Variants in XKR9 observed in about 807,000 individuals in gnomAD.
XKR9 encodes the protein XK-related protein 9.
Under a neutral mutation model 32.0 loss-of-function variants are expected in XKR9, and 32 were observed. The observed-to-expected ratio is 1.00, with a 90% CI of 0.76 to 1.34. XKR9 has a LOEUF of 1.34. Ranked by LOEUF, XKR9 falls within the 40% of genes most tolerant of loss-of-function variation. The pLI, the probability that XKR9 is intolerant of heterozygous loss-of-function variation, is 0.00. For missense variants in XKR9, 546 were observed against 429.7 expected, an observed-to-expected ratio of 1.27 and a Z score of -2.39; for synonymous variants, 168 against 143.4, an observed-to-expected ratio of 1.17 and a Z score of -1.22.
chr8:70,974,596 T>C, the XKR9 span, among the ~76,000 whole-genome samples: 1 of 152,238 alleles, frequency 6.6e-6, no homozygotes, highest in Admixed American at 6.5e-5. Context: ...GGCTGCATAG[T>C]ATTCCATGGT....
At chr8:70,823,998 T>C in the XKR9 span, among the ~76,000 whole-genome samples, 1 of 152,204 alleles carries the variant, frequency 6.6e-6, no homozygotes, top group Non-Finnish European at 1.5e-5. Context: ...GTTGGGGTTG[T>C]GAATCACTGG....
the XKR9 span, among the ~76,000 whole-genome samples, chr8:71,046,393 C>T: frequency 6.6e-6 from 1 of 152,182 alleles, no homozygotes; most frequent in Non-Finnish European, 1.5e-5. Context: ...CCCTTCTGTG[C>T]ATACACTTCA....
chr8:71,061,617 A>G, the XKR9 span, among the ~76,000 whole-genome samples: 3 of 152,226 alleles, frequency 2.0e-5, no homozygotes, highest in African/African-American at 4.8e-5. Context: ...CTAAAGAGAA[A>G]GGGTGTTTTC....
At chr8:70,890,075 C>T in the XKR9 span, among the ~76,000 whole-genome samples, 63 of 152,102 alleles carry the variant, frequency 4.1e-4, no homozygotes, top group African/African-American at 1.4e-3. Flanking sequence ...TGAAGCCTCA[C>T]CAGTATCTGT....
chr8:70,944,595 G>A, the XKR9 span, among the ~76,000 whole-genome samples: 1 of 152,152 alleles, frequency 6.6e-6, no homozygotes, highest in African/African-American at 2.4e-5. Flanking sequence ...AGCTAGGGTT[G>A]AATGAAGAAA....
intron 1 of XKR9, among the ~76,000 whole-genome samples, chr8:70,671,096 A>T (rs534376923): frequency 3.9e-5 from 6 of 152,242 alleles, no homozygotes; most frequent in Non-Finnish European, 7.3e-5. Flanking sequence ...CAGTGGCACT[A>T]TCATAGCTCA....
the XKR9 span, among the ~76,000 whole-genome samples, chr8:70,838,106 A>C: frequency 6.6e-6 from 1 of 152,072 alleles, no homozygotes; most frequent in African/African-American, 2.4e-5. Flanking sequence ...CAGCTGATCT[A>C]GGGTCAGGCA....
chr8:70,904,913 G>A, the XKR9 span, among the ~76,000 whole-genome samples: 1 of 152,160 alleles, frequency 6.6e-6, no homozygotes, highest in African/African-American at 2.4e-5. Flanking sequence ...ATTCTGGGTT[G>A]AAAATTGTTT....
chr8:70,927,353 A>T, the XKR9 span, among the ~76,000 whole-genome samples: 2 of 152,138 alleles, frequency 1.3e-5, no homozygotes, highest in African/African-American at 4.8e-5. Flanking sequence ...AATGCAGGGC[A>T]GTGGGTGGCG....
At chr8:70,737,295 T>A (rs867167681), downstream of XKR9, among the ~76,000 whole-genome samples, 1 of 130,406 alleles carries the variant, frequency 7.7e-6, no homozygotes, top group Non-Finnish European at 1.8e-5. Context: ...ATAAGAATGC[T>A]TGTGATTTTT....
At chr8:70,809,315 C>A in the XKR9 span, among the ~76,000 whole-genome samples, 1 of 152,054 alleles carries the variant, frequency 6.6e-6, no homozygotes, top group African/African-American at 2.4e-5. Flanking sequence ...CATCAAAGAC[C>A]AAAGGTAGAT....
the XKR9 span, among the ~76,000 whole-genome samples, chr8:70,949,388 T>C: frequency 6.6e-6 from 1 of 152,050 alleles, no homozygotes; most frequent in Non-Finnish European, 1.5e-5. Flanking sequence ...CACCTCAAAG[T>C]TAAATGAAGA....
chr8:71,024,736 C>T, the XKR9 span, among the ~76,000 whole-genome samples: 2 of 152,180 alleles, frequency 1.3e-5, no homozygotes, highest in Non-Finnish European at 2.9e-5. Flanking sequence ...CTCTCACTTT[C>T]CCCACACTGG....
chr8:70,814,522 C>T, the XKR9 span, among the ~76,000 whole-genome samples: 18 of 151,536 alleles, frequency 1.2e-4, no homozygotes, highest in South Asian at 1.7e-3. Context: ...TCTCAATAGA[C>T]GTCGAAGAAA....
chr8:70,900,518 G>A, the XKR9 span, among the ~76,000 whole-genome samples: 35 of 152,054 alleles, frequency 2.3e-4, no homozygotes, highest in African/African-American at 8.2e-4. Flanking sequence ...GAACCTGGGG[G>A]ACAGAGATTG....
chr8:71,006,662 A>G, the XKR9 span, among the ~76,000 whole-genome samples: 1 of 152,214 alleles, frequency 6.6e-6, no homozygotes, highest in African/African-American at 2.4e-5. Context: ...CAGTCCAAAA[A>G]TGGCATCTGG....
At chr8:70,806,987 A>G in the XKR9 span, among the ~76,000 whole-genome samples, 1 of 152,168 alleles carries the variant, frequency 6.6e-6, no homozygotes, top group African/African-American at 2.4e-5. Context: ...TGTTGAAATG[A>G]AGGAAAAAAT....
At chr8:70,672,949 G>A (rs1045702943) in intron 1 of XKR9, among the ~76,000 whole-genome samples, 1 of 152,086 alleles carries the variant, frequency 6.6e-6, no homozygotes, top group African/African-American at 2.4e-5. Context: ...TTCCTTGTAT[G>A]TTCTGGATAT....
the XKR9 span, among the ~76,000 whole-genome samples, chr8:70,924,581 C>T: frequency 6.6e-6 from 1 of 152,290 alleles, no homozygotes; most frequent in Admixed American, 6.5e-5. Flanking sequence ...TTTCCTGTAC[C>T]TCTCTGTCTG....
Sources: allele counts gnomAD v4.1 joint callset (sites outside exome capture counted in the v4.1 genomes callset), GRCh38; gene constraint gnomAD v4.1.1; transcripts MANE v1.5; gene names NCBI Gene and HGNC (gene_info 2026-07-23, HGNC 2026-07-21).